Variants in PSTK observed in about 807,000 individuals in gnomAD.
The protein encoded by PSTK is phosphoseryl-tRNA kinase, also known as L-seryl-tRNA(Sec) kinase.
PSTK carries 26 observed loss-of-function variants against 38.6 expected under a neutral mutation model. The ratio of observed to expected loss-of-function variants is 0.67; its 90% CI spans 0.49 to 0.94. The LOEUF is 0.94. Among genes scored for constraint, PSTK ranks in the 40% least tolerant of loss-of-function variants. The pLI, the probability that PSTK is intolerant of heterozygous loss-of-function variation, is 0.00. For missense variants in PSTK, 445 were observed against 436.3 expected (o/e 1.02, Z -0.18); for synonymous variants, 181 against 161.7 (o/e 1.12, Z -0.91).
At position 122,982,758 on chromosome 10, in the gene PSTK, A is replaced by T. The variant is rs749169185; in HGVS notation, c.242A>T (p.Gln81Leu). 29 of 1,614,100 alleles carry T rather than the reference A, an allele frequency of 1.8e-5. No individual in the cohort carries two copies. The highest frequency in any genetic ancestry group is 2.4e-5 in the Non-Finnish European group (28 of 1,180,024). Reference protein sequence around the residue: ...PAPSQWKLLRQELLKYLEYFL... With the variant: ...PAPSQWKLLRLELLKYLEYFL... ...CCATCCCAATGGAAATTGCTTCGAC[A>T]GGAACTGTTGAAGTACCTGGAATAC... is the stretch of plus-strand genomic sequence containing the variant. Residue 81 changes from glutamine to leucine, a missense_variant, in exon 2 of 6, where the codon CAG (glutamine) becomes CTG (leucine). Transcript: ENST00000406217.
At chr10:122,989,296 G>A (rs1291268389) in intron 5 of PSTK, among the ~76,000 whole-genome samples, 1 of 152,128 alleles carries the variant, frequency 6.6e-6, no homozygotes, top group Non-Finnish European at 1.5e-5. Context: ...CTGTTGCCCA[G>A]GCTGGAGTAC....
intron 1 of PSTK, among the ~76,000 whole-genome samples, chr10:122,981,228 AATGCATT>A (rs1848955600): frequency 6.6e-6 from 1 of 152,246 alleles, no homozygotes; most frequent in African/African-American, 2.4e-5. Flanking sequence ...AGGCTGTACA[AATGCATT>A]ATCAGACCTA....
Position 122,989,722 on chromosome 10 carries a change from C to T in PSTK, c.878-452C>T, listed in dbSNP as rs139965858. Among the ~76,000 whole-genome samples the T allele has an allele frequency of 8.1e-3, 1,241 of 152,336 alleles. 16 individuals are homozygous for T. Among genetic ancestry groups the T allele is most frequent in the African/African-American group, 0.027 (1,127 of 41,572 alleles). ...TTCAGCTTCTCAGTAACACTGCCCA[C>T]GTGTGGCTATTGGCTGCTGTATTGA... On this transcript the variant is annotated intron_variant, in intron 5 of 5. Transcript: ENST00000406217.
intron 5 of PSTK, among the ~76,000 whole-genome samples, chr10:122,988,392 T>A (rs1169307343): frequency 6.6e-6 from 1 of 151,950 alleles, no homozygotes; most frequent in Non-Finnish European, 1.5e-5. Context: ...GAGAGCCATA[T>A]ATATATACAT....
intron 5 of PSTK, chr10:122,987,628 A>G: frequency 7.3e-7 from 1 of 1,365,340 alleles, no homozygotes; most frequent in Middle Eastern, 2.7e-4. Flanking sequence ...AGAGTTTTAC[A>G]CAGTAATTCC....
chr10:122,986,839 C>T, intron 4 of PSTK, 30 bp from the exon 5 acceptor site: 1 of 1,365,930 alleles, frequency 7.3e-7, no homozygotes, highest in South Asian at 1.2e-5. Flanking sequence ...AACTATGTGA[C>T]TTCTAATAAC....
At position 122,980,785 on chromosome 10, in the gene PSTK, T is replaced by G. The variant is rs1368135343; in HGVS notation, c.216+90T>G. Reference sequence around the variant, plus strand: ...ACACTCGCGTCCACGCGGTCCTGGGTGATTTGCCATGAGCGCCCATTGCTT... The same window carrying G: ...ACACTCGCGTCCACGCGGTCCTGGGGGATTTGCCATGAGCGCCCATTGCTT... On this transcript the variant is annotated intron_variant, in intron 1 of 5. Coordinates refer to ENST00000406217, the MANE Select transcript of PSTK (RefSeq NM_001363531.2). The surrounding 1 kb of genome is among the most constrained non-coding windows in gnomAD (Gnocchi z 4.3). The G allele has an allele frequency of 2.5e-5, 32 of 1,283,540 alleles. No homozygotes were observed. The highest frequency in any genetic ancestry group is 3.1e-5 in the Non-Finnish European group (32 of 1,022,556). 79.5% of individuals were successfully genotyped at this position (1,283,540 alleles called of 1,614,324 possible). A position where few individuals can be genotyped will look rare whatever the true frequency, so the allele number is the denominator to read the frequency against.
chr10:122,987,000 G>T, intron 5 of PSTK, 38 bp downstream of exon 5: 1 of 1,321,822 alleles, frequency 7.6e-7, no homozygotes, highest in South Asian at 1.2e-5. Context: ...TGGTATGATT[G>T]TGACTTTCTA....
intron 3 of PSTK, chr10:122,985,567 A>T (rs1033955562): frequency 3.9e-5 from 6 of 152,200 alleles, no homozygotes; most frequent in Admixed American, 3.9e-4. Context: ...ACCTTCATGG[A>T]CCTTTGCTCA....
intron 1 of PSTK, 164 bp from the exon 2 acceptor site, chr10:122,982,569 A>G (rs1848974959): frequency 1.6e-6 from 1 of 618,406 alleles, no homozygotes; most frequent in East Asian, 2.7e-5. Context: ...TCCAGGCAGA[A>G]GGAATGGTAT....
Position 122,982,874 on chromosome 10 carries a change from G to A in PSTK, c.358G>A (p.Asp120Asn), listed in dbSNP as rs377302941. The change falls in exon 2 of 6, where the codon GAT becomes AAT. Residue 120 changes from aspartate (D) to asparagine (N), a missense_variant. By Grantham distance (23) the Asp-to-Asn change is conservative. Coordinates refer to ENST00000406217, the MANE Select transcript of PSTK (RefSeq NM_001363531.2). Reference sequence around the variant, plus strand: ...GGAAGATTTTATAACCTGCTTAAAGGATCAAGATCTGATATTTTCTGCAGC... The same window carrying A: ...GGAAGATTTTATAACCTGCTTAAAGAATCAAGATCTGATATTTTCTGCAGC... ...MWEDFITCLK[D>N]QDLIFSAAFE... The A allele has an allele frequency of 9.9e-6, 16 of 1,614,076 alleles. No individual in the cohort carries two copies. In the Admixed American group the frequency reaches 2.3e-4, roughly 24 times the overall value.
chr10:122,984,592 C>T (rs1429534200), intron 3 of PSTK: 1 of 152,360 alleles, frequency 6.6e-6, no homozygotes, highest in African/African-American at 2.4e-5. Context: ...GTGGCTCACA[C>T]CTGTGATCCC....
At chr10:122,983,626 G>A in intron 3 of PSTK, 156 bp downstream of exon 3, 2 of 661,590 alleles carry the variant, frequency 3.0e-6, no homozygotes, top group Non-Finnish European at 5.0e-6. Context: ...GGAAAATTTA[G>A]TTTGTCCAGA....
intron 5 of PSTK, chr10:122,987,655 T>C (rs936702926): frequency 1.6e-6 from 2 of 1,236,792 alleles, no homozygotes; most frequent in South Asian, 1.7e-5. Context: ...TTTTGAATAC[T>C]GTATTGCTAT....
At position 122,986,299 on chromosome 10, in the gene PSTK, G is replaced by A. The variant is rs1397833884; in HGVS notation, c.708-1G>A. The A allele has an allele frequency of 6.3e-7, 1 of 1,594,650 alleles. No homozygotes were observed. Among genetic ancestry groups the A allele is most frequent in the African/African-American group, 1.4e-5 (1 of 73,950 alleles). On this transcript the variant is annotated splice_acceptor_variant, in intron 3 of 5. Transcript: ENST00000406217. LOFTEE classifies it high-confidence loss of function. ...TGTATTTTATCCCATTTTCTCTGTA[G>A]CCTGGAAGTGACTGATTTATTGCTC...
At position 122,983,429 on chromosome 10, in the gene PSTK, C is replaced by T. The variant is rs1270883901; in HGVS notation, c.666C>T (p.Asn222=). Residue 222 remains asparagine, a synonymous_variant, in exon 3 of 6, where the codon AAC becomes AAT. Transcript: ENST00000406217. ...PNPEKNAWEH[N]SLTIPSPACA... The stretch of plus-strand genomic sequence containing the variant: ...CTGAGAAAAATGCTTGGGAACACAA[C>T]AGCCTCACAATTCCGAGTCCAGCAT... 4 of 1,613,964 alleles carry T rather than the reference C, an allele frequency of 2.5e-6. No homozygotes were observed. The South Asian group carries it at 3.3e-5, about 13-fold the overall frequency.
rs1303445690 is a variant in PSTK, at chr10:122,982,994, A to G, written c.478A>G (p.Arg160Gly). Reference sequence around the variant, plus strand: ...TGACAATTTTTATTATCAGAGTATGAGATATGAAGTCTACCAGCTGGCTCG... The same window carrying G: ...TGACAATTTTTATTATCAGAGTATGGGATATGAAGTCTACCAGCTGGCTCG... ...LDDNFYYQSM[R>G]YEVYQLARKY... Residue 160 changes from arginine (R) to glycine (G), a missense_variant, in exon 2 of 6, where the codon AGA (arginine) becomes GGA (glycine). Transcript: ENST00000406217. 9.9e-6 allele frequency: 16 copies of G among 1,613,158 alleles called. No individual in the cohort carries two copies. Among genetic ancestry groups the G allele is most frequent in the African/African-American group, 1.3e-5 (1 of 74,844 alleles).
chr10:122,987,043 T>C, intron 5 of PSTK, 81 bp downstream of exon 5: 1 of 1,014,904 alleles, frequency 9.9e-7, no homozygotes. Context: ...TCAGAGTTTA[T>C]TAGTTTTCAG....
At chr10:122,985,671 G>T (rs1000575232) in intron 3 of PSTK, 2 of 152,160 alleles carry the variant, frequency 1.3e-5, no homozygotes, top group Non-Finnish European at 2.9e-5. Flanking sequence ...TTGAGCTCTT[G>T]TGGCCCCCGG....
Sources: allele counts gnomAD v4.1 joint callset (sites outside exome capture counted in the v4.1 genomes callset), GRCh38; gene constraint gnomAD v4.1.1; non-coding constraint Gnocchi (gnomAD v3.1); transcripts MANE v1.5; gene names NCBI Gene and HGNC (gene_info 2026-07-23, HGNC 2026-07-21).